HSD17B4: variants seen among roughly 807,000 people sequenced by gnomAD.
The protein encoded by HSD17B4 is peroxisomal multifunctional enzyme type 2.
A neutral mutation model predicts 101.0 loss-of-function variants in HSD17B4; 70 were observed. That is an observed-to-expected ratio of 0.69 (90% CI 0.57 to 0.85). The LOEUF (loss-of-function observed/expected upper bound fraction) is 0.85, where lower values mean the gene tolerates loss of function less well. Ranked by LOEUF, HSD17B4 falls within the 40% of genes least tolerant of loss-of-function variation. HSD17B4 has a pLI of 0.00. For synonymous variants in HSD17B4, 347 were observed against 297.1 expected (o/e 1.17, Z -1.73); for missense variants, 984 against 892.4 (o/e 1.10, Z -1.31).
At chr5:119,472,708 A>C (rs1156907704) in intron 2 of HSD17B4, 1 of 152,248 alleles carries the variant, frequency 6.6e-6, no homozygotes, top group Non-Finnish European at 1.5e-5. Flanking sequence ...TGTTGGGATT[A>C]CACGCATGAG....
chr5:119,469,862 C>G (rs1463032435), intron 2 of HSD17B4, among the ~76,000 whole-genome samples: 2 of 152,156 alleles, frequency 1.3e-5, no homozygotes, highest in Non-Finnish European at 2.9e-5. Flanking sequence ...TCAACAGTGT[C>G]TGTATGTGCC....
chr5:119,473,184 C>G (rs1580542950), intron 2 of HSD17B4, among the ~76,000 whole-genome samples: 1 of 147,668 alleles, frequency 6.8e-6, no homozygotes, highest in African/African-American at 2.5e-5. Flanking sequence ...TAGGATTGAT[C>G]GATCTTATAG....
Position 119,514,986 on chromosome 5 carries a change from T to A in HSD17B4, c.1443T>A (p.Ala481=). 1 of 1,530,504 alleles carries A rather than the reference T, an allele frequency of 6.5e-7. No individual in the cohort carries two copies. Among genetic ancestry groups the A allele is most frequent in the Non-Finnish European group, 9.1e-7 (1 of 1,104,008 alleles). The allele number at this position is 1,530,504 out of a possible 1,614,324, so 94.8% of individuals were successfully genotyped here. A position where few individuals can be genotyped will look rare whatever the true frequency, so the allele number is the denominator to read the frequency against. ...ATGTAATGTCTTAATTTTAGGTAGC[T>A]GTAGCCATACCTAATAGACCTCCTG... The part of the protein sequence containing the change: ...GKRTSDKVKV[A]VAIPNRPPDA... Residue 481 remains alanine, a synonymous_variant, in exon 17 of 24, where the codon GCT becomes GCA. Coordinates refer to ENST00000510025, the MANE Select transcript of HSD17B4 (RefSeq NM_000414.4).
intron 1 of HSD17B4, among the ~76,000 whole-genome samples, chr5:119,455,448 T>A (rs1263825872): frequency 1.3e-5 from 2 of 150,892 alleles, no homozygotes; most frequent in African/African-American, 4.9e-5. Flanking sequence ...ACCTGGGAGG[T>A]GGAGGTTGCA....
At chr5:119,540,892 G>C (rs1754935099) in intron 23 of HSD17B4, among the ~76,000 whole-genome samples, 2 of 152,144 alleles carry the variant, frequency 1.3e-5, no homozygotes, top group Non-Finnish European at 2.9e-5. Flanking sequence ...TTTCTCATCT[G>C]TCAACTGGGG....
At position 119,542,116 on chromosome 5, in the gene HSD17B4, G is replaced by A. The variant is rs952542271; in HGVS notation, c.*122G>A. The A allele has an allele frequency of 5.6e-6, 4 of 708,544 alleles. No homozygotes were observed. In the Admixed American group the frequency reaches 8.6e-5, roughly 15 times the overall value. The allele number at this position is 708,544 out of a possible 1,614,324, so 43.9% of individuals were successfully genotyped here. ...CAGGGGAAATTGCTTAACATTTTCA[G>A]ATATCAGATAACTGCAGATTTTCAT... is the stretch of plus-strand genomic sequence containing the variant. On this transcript the variant is annotated 3_prime_UTR_variant, in exon 24 of 24. Transcript: ENST00000510025.
At chr5:119,471,400 A>C (rs1057179486) in intron 2 of HSD17B4, among the ~76,000 whole-genome samples, 2 of 152,200 alleles carry the variant, frequency 1.3e-5, no homozygotes, top group African/African-American at 4.8e-5. Flanking sequence ...CTGTTTTTAA[A>C]AAGTTAAGTG....
At chr5:119,502,558 T>A in intron 14 of HSD17B4, among the ~76,000 whole-genome samples, 1 of 152,098 alleles carries the variant, frequency 6.6e-6, no homozygotes, top group Non-Finnish European at 1.5e-5. Flanking sequence ...TTTACTTTTC[T>A]CAAAAATATC....
intron 2 of HSD17B4, chr5:119,456,598 G>A: frequency 1.9e-6 from 1 of 529,872 alleles, no homozygotes; most frequent in East Asian, 3.4e-5. Context: ...CGAAGGGCTA[G>A]GGGGTAGGCA....
In HSD17B4 at chr5:119,478,963, T is replaced by C. The variant is rs1748858846; in HGVS notation, c.564T>C (p.His188=). ...LAIEGRKSNI[H]CNTIAPNAGS... ...TTGAAGGCAGGAAAAGCAACATTCA[T>C]TGTAACACCATTGCTCCTAATGCGG... Residue 188 remains histidine (H), a synonymous_variant, in exon 8 of 24, where the codon CAT becomes CAC. Transcript: ENST00000510025. 1.2e-6 allele frequency: 2 copies of C among 1,613,720 alleles called. No individual in the cohort carries two copies. Among genetic ancestry groups the C allele is most frequent in the Admixed American group, 1.7e-5 (1 of 59,976 alleles).
chr5:119,477,573 T>G, intron 7 of HSD17B4, 72 bp downstream of exon 7: 1 of 974,808 alleles, frequency 1.0e-6, no homozygotes, highest in Non-Finnish European at 1.7e-6. Context: ...CAGGGAAAGA[T>G]TATGTGAAGT....
intron 13 of HSD17B4, 120 bp downstream of exon 13, chr5:119,499,673 A>G: frequency 1.9e-6 from 1 of 523,594 alleles, no homozygotes; most frequent in Non-Finnish European, 3.3e-6. Flanking sequence ...AATTATTTAT[A>G]GTGGTTAGTT....
intron 2 of HSD17B4, among the ~76,000 whole-genome samples, chr5:119,466,240 A>G (rs532968390): frequency 2.0e-5 from 3 of 151,930 alleles, no homozygotes; most frequent in African/African-American, 7.3e-5. Context: ...TGTGTTCATC[A>G]GGGATATTGG....
At chr5:119,538,344 T>A (rs1257110969) in intron 23 of HSD17B4, among the ~76,000 whole-genome samples, 1 of 152,196 alleles carries the variant, frequency 6.6e-6, no homozygotes, top group Admixed American at 6.6e-5. Flanking sequence ...ATCACTGTGA[T>A]CCTAGCCTCT....
intron 16 of HSD17B4, 131 bp downstream of exon 16, chr5:119,509,375 C>A (rs991975454): frequency 4.1e-6 from 3 of 735,900 alleles, no homozygotes; most frequent in Non-Finnish European, 7.5e-6. Flanking sequence ...CATCTGCCAC[C>A]CCTGGGACAC....
chr5:119,465,455 C>A (rs2126649220), intron 2 of HSD17B4, among the ~76,000 whole-genome samples: 1 of 152,294 alleles, frequency 6.6e-6, no homozygotes, highest in African/African-American at 2.4e-5. Context: ...CATTGTGATG[C>A]ACTTGCTCCC....
chr5:119,496,560 A>G lies in HSD17B4; in HGVS notation c.886A>G (p.Ile296Val). 1 of 1,577,376 alleles carries G rather than the reference A, an allele frequency of 6.3e-7. No homozygotes were observed. Among genetic ancestry groups the G allele is most frequent in the Non-Finnish European group, 8.7e-7 (1 of 1,146,614 alleles). The stretch of plus-strand genomic sequence containing the variant: ...CATTTTAGAATCAACTGGCAGTATA[A>G]TTGAAGTTCTGAGTAAAATAGATTC... ...QSIQESTGSI[I>V]EVLSKIDSEG... is the part of the protein sequence containing the mutation. Residue 296 changes from isoleucine to valine, a missense_variant, in exon 12 of 24, where the codon ATT (isoleucine) becomes GTT (valine). Ile to Val is a conservative substitution (Grantham distance 29, BLOSUM62 3). Coordinates refer to ENST00000510025, the MANE Select transcript of HSD17B4 (RefSeq NM_000414.4).
chr5:119,520,828 C>G (rs1753051607), intron 17 of HSD17B4, among the ~76,000 whole-genome samples: 1 of 152,098 alleles, frequency 6.6e-6, no homozygotes, highest in South Asian at 2.1e-4. Context: ...CCATGACTAT[C>G]TAGTTTTTTA....
intron 18 of HSD17B4, 195 bp from the exon 19 acceptor site, chr5:119,525,722 T>TTC (rs1350515019): frequency 1.7e-6 from 1 of 578,190 alleles, no homozygotes; most frequent in Non-Finnish European, 3.1e-6. Context: ...TGTTTTTTTT[T>TTC]TTTCTTTCTT....
Sources: allele counts gnomAD v4.1 joint callset (sites outside exome capture counted in the v4.1 genomes callset), GRCh38; gene constraint gnomAD v4.1.1; transcripts MANE v1.5; gene names NCBI Gene and HGNC (gene_info 2026-07-23, HGNC 2026-07-21).